Variants in SERGEF observed in about 807,000 individuals in gnomAD.
SERGEF encodes the protein secretion-regulating guanine nucleotide exchange factor.
In SERGEF, 51 loss-of-function variants were observed where a neutral mutation model predicts 50.0. The observed-to-expected ratio is 1.02, with a 90% CI of 0.81 to 1.29. The LOEUF is 1.29. SERGEF is among the 50% of genes most tolerant of loss of function. The probability of loss-of-function intolerance (pLI) is 0.00; values close to 1 mark genes in which losing one functional copy is unlikely to be tolerated. For synonymous variants in SERGEF, 205 were observed against 212.4 expected, an observed-to-expected ratio of 0.97 and a Z score of 0.30; for missense variants, 521 against 557.0, an observed-to-expected ratio of 0.94 and a Z score of 0.65.
intron 10 of SERGEF, 44 bp downstream of exon 10, chr11:17,878,164 C>T: frequency 7.0e-7 from 1 of 1,419,260 alleles, no homozygotes. Context: ...AATTCTGCCA[C>T]ATGATTTTCA....
chr11:17,965,912 T>C (rs1003100990), intron 8 of SERGEF, among the ~76,000 whole-genome samples: 2 of 152,228 alleles, frequency 1.3e-5, no homozygotes, highest in African/African-American at 2.4e-5. Flanking sequence ...CCTTGCAGCA[T>C]TGCTGCAAGG....
intron 9 of SERGEF, among the ~76,000 whole-genome samples, chr11:17,879,608 TTGTC>T (rs1851303011): frequency 6.6e-6 from 1 of 152,196 alleles, no homozygotes; most frequent in Non-Finnish European, 1.5e-5. Context: ...CATGTGGTAT[TTGTC>T]TGTCTGTGCT....
chr11:17,844,925 AC>A lies in SERGEF; in HGVS notation c.1048+33282del, dbSNP rs386419693. Among the ~76,000 whole-genome samples the A allele has an allele frequency of 2.5e-3, 369 of 150,086 alleles. 1 individual carries two copies. Among genetic ancestry groups the A allele is most frequent in the African/African-American group, 7.4e-3 (303 of 40,886 alleles). ...AAAAAAAACAAAACAAAACAAACAAACAAAAAAAACAGAACAAAAAACCCCT... is the reference window on the plus strand; with the variant it reads ...AAAAAAAACAAAACAAAACAAACAAAAAAAAAAACAGAACAAAAAACCCCT... On this transcript the variant is annotated intron_variant, in intron 10 of 10. Transcript: ENST00000265965.
chr11:17,995,984 T>G (rs1044907396), intron 5 of SERGEF, 75 bp from the exon 6 acceptor site: 4 of 986,910 alleles, frequency 4.1e-6, no homozygotes, highest in Non-Finnish European at 6.3e-6. Context: ...TGAACCTCAC[T>G]GCTATGAGAA....
At chr11:18,012,501 C>T (rs1441746769) in intron 1 of SERGEF, 1 of 1,114,366 alleles carries the variant, frequency 9.0e-7, no homozygotes, top group Non-Finnish European at 1.1e-6. Context: ...GCAGGCCTCA[C>T]ATCTAAAGGA....
chr11:17,930,146 A>C (rs1354371065), intron 9 of SERGEF, among the ~76,000 whole-genome samples: 1 of 152,232 alleles, frequency 6.6e-6, no homozygotes, highest in Non-Finnish European at 1.5e-5. Flanking sequence ...AATCTCTCTG[A>C]GCCTTAGTTC....
intron 10 of SERGEF, among the ~76,000 whole-genome samples, chr11:17,813,926 C>T (rs1202062318): frequency 6.6e-6 from 1 of 152,218 alleles, no homozygotes; most frequent in Non-Finnish European, 1.5e-5. Context: ...GAGATGTAAA[C>T]TCAGCAGAAG....
intron 9 of SERGEF, among the ~76,000 whole-genome samples, chr11:17,908,413 G>T (rs943452852): frequency 4.7e-4 from 72 of 151,996 alleles, no homozygotes; most frequent in African/African-American, 1.7e-3. Context: ...CTCACTCTAA[G>T]GCAATTTCCG....
chr11:17,919,528 C>T (rs758319095), intron 9 of SERGEF, among the ~76,000 whole-genome samples: 3 of 152,104 alleles, frequency 2.0e-5, no homozygotes, highest in Non-Finnish European at 4.4e-5. Flanking sequence ...AGTTTGGAGT[C>T]TGGGTAACAG....
At position 17,791,287 on chromosome 11, in the gene SERGEF, TG is replaced by T. The variant is rs551123050; in HGVS notation, c.1049-2875del. Among the ~76,000 whole-genome samples, 9 of 152,346 alleles carry T rather than the reference TG, an allele frequency of 5.9e-5. No individual in the cohort carries two copies. The East Asian group carries it at 1.4e-3, about 23-fold the overall frequency. On this transcript the variant is annotated intron_variant, in intron 10 of 10. Coordinates refer to ENST00000265965, the MANE Select transcript of SERGEF (RefSeq NM_012139.4). ...ATTTTCTCAAATTAGATTCTTAGAA[TG>T]GGAATTCCTGGTCAAAGAGTATAGG... is the stretch of plus-strand genomic sequence containing the variant.
intron 8 of SERGEF, among the ~76,000 whole-genome samples, chr11:17,977,120 C>T (rs1229262725): frequency 2.6e-5 from 4 of 152,224 alleles, no homozygotes; most frequent in Non-Finnish European, 5.9e-5. Context: ...CACCAGCACT[C>T]GAGTCTCTCG....
At chr11:17,882,163 C>G (rs1332771508) in intron 9 of SERGEF, among the ~76,000 whole-genome samples, 2 of 152,152 alleles carry the variant, frequency 1.3e-5, no homozygotes, top group African/African-American at 4.8e-5. Flanking sequence ...CGTGTGTAAT[C>G]CCAGCACTTT....
chr11:17,895,292 T>C (rs2133914302), intron 9 of SERGEF, among the ~76,000 whole-genome samples: 1 of 152,282 alleles, frequency 6.6e-6, no homozygotes, highest in East Asian at 1.9e-4. Context: ...AAAAAGTCAA[T>C]AATGAAGATA....
At chr11:17,826,515 C>G (rs1850198933) in intron 10 of SERGEF, among the ~76,000 whole-genome samples, 1 of 152,130 alleles carries the variant, frequency 6.6e-6, no homozygotes, top group Non-Finnish European at 1.5e-5. Context: ...AAATAGAGTG[C>G]CCAGGCTGCA....
At chr11:18,001,153 C>A (rs530941875) in intron 4 of SERGEF, among the ~76,000 whole-genome samples, 1 of 152,186 alleles carries the variant, frequency 6.6e-6, no homozygotes, top group Non-Finnish European at 1.5e-5. Flanking sequence ...TGGAACCAAA[C>A]CTATCTGCCT....
At chr11:17,817,652 G>A (rs1413656223) in intron 10 of SERGEF, among the ~76,000 whole-genome samples, 1 of 152,206 alleles carries the variant, frequency 6.6e-6, no homozygotes, top group African/African-American at 2.4e-5. Flanking sequence ...GTAAGTGGTA[G>A]AGCTGGGATT....
At chr11:17,979,693 CT>C (rs1853453511) in intron 8 of SERGEF, among the ~76,000 whole-genome samples, 1 of 152,196 alleles carries the variant, frequency 6.6e-6, no homozygotes, top group South Asian at 2.1e-4. Flanking sequence ...ATACCCTTGG[CT>C]CTGTCTGCAG....
intron 10 of SERGEF, chr11:17,877,810 G>A (rs933626665): frequency 7.7e-5 from 13 of 169,264 alleles, no homozygotes; most frequent in East Asian, 3.6e-4. Flanking sequence ...GAGCAGAGCC[G>A]CATATTTCCA....
intron 8 of SERGEF, among the ~76,000 whole-genome samples, chr11:17,978,349 C>G (rs1434830876): frequency 6.6e-6 from 1 of 152,200 alleles, no homozygotes; most frequent in African/African-American, 2.4e-5. Flanking sequence ...TGGCAAGGCC[C>G]TGGGCCTGCC....
Sources: allele counts gnomAD v4.1 joint callset (sites outside exome capture counted in the v4.1 genomes callset), GRCh38; gene constraint gnomAD v4.1.1; transcripts MANE v1.5; gene names NCBI Gene and HGNC (gene_info 2026-07-23, HGNC 2026-07-21).